CNTNAP5: variants seen among roughly 807,000 people sequenced by gnomAD.
CNTNAP5 encodes the protein contactin associated protein family member 5.
In CNTNAP5, 72 loss-of-function variants were observed where a neutral mutation model predicts 150.2. That is an observed-to-expected ratio of 0.48 (90% CI 0.40 to 0.58). CNTNAP5 has a LOEUF of 0.58. Among genes scored for constraint, CNTNAP5 ranks in the 20% least tolerant of loss-of-function variants. CNTNAP5 has a pLI of 0.00. For missense variants in CNTNAP5, 1,636 were observed against 1,626.2 expected (o/e 1.01, Z -0.10); for synonymous variants, 672 against 619.8 (o/e 1.08, Z -1.25).
At chr2:124,527,649 C>T (rs1695005759) in intron 10 of CNTNAP5, among the ~76,000 whole-genome samples, 193 bp downstream of exon 10, 1 of 152,134 alleles carries the variant, frequency 6.6e-6, no homozygotes, top group Non-Finnish European at 1.5e-5. Context: ...TTGAGTCTCT[C>T]TTCATGTTGA....
At chr2:124,054,922 G>T (rs1033606760) in intron 1 of CNTNAP5, among the ~76,000 whole-genome samples, 2 of 152,160 alleles carry the variant, frequency 1.3e-5, no homozygotes, top group African/African-American at 4.8e-5. Flanking sequence ...AGGAGCTCTG[G>T]TTGGGAAGTT....
chr2:124,050,041 G>T (rs1681649612), intron 1 of CNTNAP5, among the ~76,000 whole-genome samples: 1 of 152,072 alleles, frequency 6.6e-6, no homozygotes, highest in South Asian at 2.1e-4. Flanking sequence ...CCATGGGGAT[G>T]AGGATTTTAA....
At position 124,368,170 on chromosome 2, in the gene CNTNAP5, C is replaced by A. The variant is rs114708546; in HGVS notation, c.382-49273C>A. 1.6e-3 allele frequency among the ~76,000 whole-genome samples: 246 copies of A among 152,250 alleles called. 2 individuals are homozygous for A. The highest frequency in any genetic ancestry group is 5.6e-3 in the African/African-American group (234 of 41,550). On this transcript the variant is annotated intron_variant, in intron 3 of 23. Coordinates refer to ENST00000682447, the MANE Select transcript of CNTNAP5 (RefSeq NM_001367498.1). The stretch of plus-strand genomic sequence containing the variant: ...TAATAAATAGCAAGTTTGATTAGTG[C>A]AATCCTGATATTATGTAATAAAATA...
At chr2:124,462,473 G>T (rs540036915) in intron 6 of CNTNAP5, among the ~76,000 whole-genome samples, 1 of 152,116 alleles carries the variant, frequency 6.6e-6, no homozygotes, top group African/African-American at 2.4e-5. Flanking sequence ...ATGATGAAGG[G>T]AATATTTTAA....
intron 12 of CNTNAP5, among the ~76,000 whole-genome samples, chr2:124,620,278 T>G (rs1677584168): frequency 6.6e-6 from 1 of 152,122 alleles, no homozygotes; most frequent in Non-Finnish European, 1.5e-5. Context: ...ATAATCTATC[T>G]TTGACTCAAG....
intron 10 of CNTNAP5, among the ~76,000 whole-genome samples, chr2:124,533,280 A>C (rs1695152656): frequency 6.6e-6 from 1 of 150,594 alleles, no homozygotes; most frequent in Admixed American, 6.6e-5. Flanking sequence ...CAGAAACCTG[A>C]GAGTGAGGGT....
chr2:124,788,476 C>G (rs1473625303), intron 17 of CNTNAP5, among the ~76,000 whole-genome samples: 1 of 152,072 alleles, frequency 6.6e-6, no homozygotes, highest in Non-Finnish European at 1.5e-5. Context: ...GATTAATCAG[C>G]ACATATATAT....
intron 5 of CNTNAP5, among the ~76,000 whole-genome samples, chr2:124,434,988 C>T (rs939595722): frequency 6.6e-6 from 1 of 152,100 alleles, no homozygotes; most frequent in Non-Finnish European, 1.5e-5. Flanking sequence ...AGTATATACA[C>T]ATATTATAAG....
At chr2:124,606,252 A>G (rs1212682518) in intron 11 of CNTNAP5, among the ~76,000 whole-genome samples, 1 of 152,188 alleles carries the variant, frequency 6.6e-6, no homozygotes, top group Non-Finnish European at 1.5e-5. Flanking sequence ...AAATTATTAT[A>G]CAACTAGACT....
intron 10 of CNTNAP5, among the ~76,000 whole-genome samples, chr2:124,559,158 T>G (rs996226827): frequency 6.6e-6 from 1 of 152,202 alleles, no homozygotes; most frequent in Non-Finnish European, 1.5e-5. Flanking sequence ...ACCTTTTCAC[T>G]TTATCTATTA....
chr2:124,199,255 A>AATTCATAG (rs1685661208), intron 1 of CNTNAP5, among the ~76,000 whole-genome samples: 1 of 152,092 alleles, frequency 6.6e-6, no homozygotes. Flanking sequence ...AATTTCAATG[A>AATTCATAG]ATTCATAGAT....
chr2:124,829,006 C>A (rs1239754200), intron 19 of CNTNAP5, among the ~76,000 whole-genome samples: 2 of 151,986 alleles, frequency 1.3e-5, no homozygotes, highest in Non-Finnish European at 2.9e-5. Flanking sequence ...TGTAAGAGTA[C>A]CTCTGGTCAT....
At chr2:124,176,297 T>C (rs760234059) in intron 1 of CNTNAP5, among the ~76,000 whole-genome samples, 2 of 152,196 alleles carry the variant, frequency 1.3e-5, no homozygotes, top group Admixed American at 6.5e-5. Flanking sequence ...TTAATTTCTA[T>C]GGATGAAATA....
intron 13 of CNTNAP5, among the ~76,000 whole-genome samples, chr2:124,652,466 T>C (rs944861182): frequency 2.6e-5 from 4 of 152,182 alleles, no homozygotes; most frequent in Non-Finnish European, 5.9e-5. Context: ...AGCACCTTCA[T>C]AGGCATTTTG....
chr2:124,387,408 G>A (rs892379531), intron 3 of CNTNAP5, among the ~76,000 whole-genome samples: 14 of 152,228 alleles, frequency 9.2e-5, no homozygotes, highest in African/African-American at 2.2e-4. Context: ...CTTTGTGTGA[G>A]CAATAAAGCT....
chr2:124,622,566 A>G (rs1214318802), intron 12 of CNTNAP5, among the ~76,000 whole-genome samples: 1 of 152,030 alleles, frequency 6.6e-6, no homozygotes, highest in Admixed American at 6.6e-5. Flanking sequence ...ACAATGGGCG[A>G]ACTAATTTAT....
rs116325171 is a variant in CNTNAP5 at position 124,600,055 on chromosome 2, T to A, written c.1757-9746T>A. Among the ~76,000 whole-genome samples the A allele has an allele frequency of 6.2e-3, 937 of 152,270 alleles. 15 individuals are homozygous for A. The highest frequency in any genetic ancestry group is 0.02 in the African/African-American group (852 of 41,562). On this transcript the variant is annotated intron_variant, in intron 11 of 23. Coordinates refer to ENST00000682447, the MANE Select transcript of CNTNAP5 (RefSeq NM_001367498.1). ...CGTGTGTGGAGTATTTGTTCCATAATGTGTTAGGCAAGCAATGTAGGCCGA... is the reference window on the plus strand; with the variant it reads ...CGTGTGTGGAGTATTTGTTCCATAAAGTGTTAGGCAAGCAATGTAGGCCGA...
intron 1 of CNTNAP5, among the ~76,000 whole-genome samples, chr2:124,178,173 T>C (rs1685115166): frequency 6.6e-6 from 1 of 152,130 alleles, no homozygotes; most frequent in Admixed American, 6.5e-5. Flanking sequence ...ATTGTTTGTG[T>C]TCTTCAGCAT....
At chr2:124,467,728 T>C (rs1199564346) in intron 6 of CNTNAP5, among the ~76,000 whole-genome samples, 1 of 152,110 alleles carries the variant, frequency 6.6e-6, no homozygotes, top group East Asian at 1.9e-4. Flanking sequence ...AAATTATAAC[T>C]TCCAATTCTC....
Sources: allele counts gnomAD v4.1 joint callset (sites outside exome capture counted in the v4.1 genomes callset), GRCh38; gene constraint gnomAD v4.1.1; transcripts MANE v1.5; gene names NCBI Gene and HGNC (gene_info 2026-07-23, HGNC 2026-07-21).